Variants in VWCE observed in about 807,000 individuals in gnomAD.
VWCE encodes the protein von Willebrand factor C and EGF domain-containing protein.
In VWCE, 68 loss-of-function variants were observed where a neutral mutation model predicts 102.9. The ratio of observed to expected loss-of-function variants is 0.66; its 90% CI spans 0.54 to 0.81. VWCE has a LOEUF of 0.81. Ranked by LOEUF, VWCE falls within the 30% of genes least tolerant of loss-of-function variation. The pLI is 0.00. For missense variants in VWCE, 1,137 were observed against 1,263.6 expected, an observed-to-expected ratio of 0.90 and a Z score of 1.52; for synonymous variants, 497 against 515.4, an observed-to-expected ratio of 0.96 and a Z score of 0.48.
intron 13 of VWCE, 34 bp from the exon 14 acceptor site, chr11:61,271,794 C>A (rs1854714194): frequency 6.3e-7 from 1 of 1,597,060 alleles, no homozygotes; most frequent in Non-Finnish European, 8.6e-7. Flanking sequence ...AAAGACGGCA[C>A]AAGACCTAGA....
intron 19 of VWCE, among the ~76,000 whole-genome samples, chr11:61,260,438 ATTCTG>A (rs532092833): frequency 9.0e-4 from 137 of 151,972 alleles, no homozygotes; most frequent in African/African-American, 2.4e-3. Flanking sequence ...CACACCTGGC[ATTCTG>A]TTCTGTTCTG....
At position 61,263,963 on chromosome 11, in the gene VWCE, C is replaced by T. The variant is rs1161065290; in HGVS notation, c.2230+524G>A. ...AGTGCAGGCCGGGCGCAGTGGCTCA[C>T]GCCTGTAATCCCAGCACTTTGGGAG... On this transcript the variant is annotated intron_variant, in intron 19 of 19. Transcript: ENST00000335613. Among the ~76,000 whole-genome samples the T allele has an allele frequency of 3.9e-5, 6 of 152,024 alleles. No homozygotes were observed. In the South Asian group the frequency reaches 1.2e-3, roughly 32 times the overall value.
Position 61,294,377 on chromosome 11 carries a change from C to T in VWCE, c.110+551G>A, listed in dbSNP as rs1360631135. On this transcript the variant is annotated intron_variant, in intron 1 of 19. Coordinates refer to ENST00000335613, the MANE Select transcript of VWCE (RefSeq NM_152718.2). The surrounding 1 kb of genome is among the most constrained non-coding windows in gnomAD (Gnocchi z 6.3). ...CCCCACCGCGGCCCGGGGGAAAGCACGTGCGGAGGGCGGCATCCATCGCGA... is the reference window on the plus strand; with the variant it reads ...CCCCACCGCGGCCCGGGGGAAAGCATGTGCGGAGGGCGGCATCCATCGCGA... Among the ~76,000 whole-genome samples the T allele has an allele frequency of 6.6e-6, 1 of 152,218 alleles. No homozygotes were observed. The highest frequency in any genetic ancestry group is 1.5e-5 in the Non-Finnish European group (1 of 68,038).
At chr11:61,286,620 G>A (rs12295381) in intron 4 of VWCE, among the ~76,000 whole-genome samples, 190 bp from the exon 5 acceptor site, 12,353 of 152,064 alleles carry the variant, frequency 0.081, 1,538 homozygotes, top group African/African-American at 0.27. Context: ...TGACCAACAT[G>A]GAGAAACCCC....
rs933969108 is a variant in VWCE at position 61,294,087 on chromosome 11, G to A, written c.110+841C>T. 5.3e-5 allele frequency among the ~76,000 whole-genome samples: 8 copies of A among 152,166 alleles called. No homozygotes were observed. The highest frequency in any genetic ancestry group is 9.7e-5 in the African/African-American group (4 of 41,436). The stretch of plus-strand genomic sequence containing the variant: ...GGCTGATGGAGTCGAACTCTCAGGT[G>A]GGCAGGGACCGAGCACCCGCCAGAG... On this transcript the variant is annotated intron_variant, in intron 1 of 19. Coordinates refer to ENST00000335613, the MANE Select transcript of VWCE (RefSeq NM_152718.2). This position sits in a 1 kb window ranked among gnomAD's most constrained non-coding sequence, Gnocchi z 6.3.
chr11:61,268,912 A>G lies in VWCE; in HGVS notation c.1882+10T>C, dbSNP rs761023245. The G allele has an allele frequency of 1.2e-5, 19 of 1,613,910 alleles. No individual in the cohort carries two copies. The highest frequency in any genetic ancestry group is 1.4e-5 in the Non-Finnish European group (17 of 1,179,958). On this transcript the variant is annotated intron_variant, in intron 15 of 19. Coordinates refer to ENST00000335613, the MANE Select transcript of VWCE (RefSeq NM_152718.2). ...TGCCCTGGGGGCTTGGGGCAGAGGC[A>G]GGGGATTACCTGCTGAACAGTCTGG...
At chr11:61,282,071 G>A (rs996068809) in intron 6 of VWCE, among the ~76,000 whole-genome samples, 157 bp from the exon 7 acceptor site, 1 of 152,214 alleles carries the variant, frequency 6.6e-6, no homozygotes, top group African/African-American at 2.4e-5. Flanking sequence ...AGACAGCTGG[G>A]AGCGGGGCTG....
At chr11:61,275,288 C>T (rs187388833) in intron 11 of VWCE, among the ~76,000 whole-genome samples, 4 of 152,278 alleles carry the variant, frequency 2.6e-5, no homozygotes, top group East Asian at 3.9e-4. Flanking sequence ...AGCGAAAAAA[C>T]AGCCTTAGAA....
chr11:61,283,389 C>A (rs1192568729), intron 5 of VWCE, among the ~76,000 whole-genome samples: 2 of 152,154 alleles, frequency 1.3e-5, no homozygotes, highest in Non-Finnish European at 2.9e-5. Context: ...CTGACCTTCA[C>A]TCTGGCTTAA....
chr11:61,273,769 T>C, intron 12 of VWCE: 2 of 167,176 alleles, frequency 1.2e-5, no homozygotes, highest in South Asian at 1.6e-4. Flanking sequence ...CAGAGATGCC[T>C]AGATGGTCAC....
Position 61,269,010 on chromosome 11 carries a change from G to A in VWCE, c.1794C>T (p.Gly598=), listed in dbSNP as rs1180901819. ...AGTCTGTCCTCTTGCAGCTCACCGA[G>A]CCATCTGCCTGGAGGAAGGAGGAAC... is the stretch of plus-strand genomic sequence containing the variant. ...PCELCICQAD[G]SVSCKRTDCV... The change falls in exon 15 of 20, where the codon GGC becomes GGT. Residue 598 remains glycine (G), a synonymous_variant. Transcript: ENST00000335613. 6.2e-7 allele frequency: 1 copy of A among 1,614,074 alleles called. No individual in the cohort carries two copies. Among genetic ancestry groups the A allele is most frequent in the South Asian group, 1.1e-5 (1 of 91,084 alleles).
In VWCE at chr11:61,259,065, G is replaced by C. The variant is rs780330587; in HGVS notation, c.2478C>G (p.Leu826=). Residue 826 remains leucine, a synonymous_variant, in exon 20 of 20, where the codon CTC becomes CTG. Transcript: ENST00000335613. ...GGAAAGTGGCTGTCAGCCCCAAAGCGAGTGAGTGTGGACCATGAGCTCCTG... is the reference window on the plus strand; with the variant it reads ...GGAAAGTGGCTGTCAGCCCCAAAGCCAGTGAGTGTGGACCATGAGCTCCTG... ...SPAGAHGPHS[L]ALGLTATFPG... 3.1e-6 allele frequency: 5 copies of C among 1,613,886 alleles called. No individual in the cohort carries two copies. Among genetic ancestry groups the C allele is most frequent in the Non-Finnish European group, 3.4e-6 (4 of 1,179,902 alleles).
intron 12 of VWCE, 129 bp from the exon 13 acceptor site, chr11:61,273,445 T>C: frequency 1.2e-6 from 1 of 842,752 alleles, no homozygotes; most frequent in Non-Finnish European, 1.8e-6. Flanking sequence ...CAAAGAAATC[T>C]ACTAAAGTGA....
At position 61,259,036 on chromosome 11, in the gene VWCE, CCTG is replaced by C. The variant is rs1232254716; in HGVS notation, c.2504_2506del (p.Pro835_Gly836delinsArg). ...GAGTCGAGGGGAGGCCCCAGGCTCC[CCTG>C]GGAAAGTGGCTGTCAGCCCCAAAGC... On this transcript the variant is annotated inframe_deletion, in exon 20 of 20. Coordinates refer to ENST00000335613, the MANE Select transcript of VWCE (RefSeq NM_152718.2). The C allele has an allele frequency of 1.9e-6, 3 of 1,613,894 alleles. No individual in the cohort carries two copies. Among genetic ancestry groups the C allele is most frequent in the Non-Finnish European group, 2.5e-6 (3 of 1,179,862 alleles).
chr11:61,291,892 C>T (rs984827942), intron 1 of VWCE, among the ~76,000 whole-genome samples: 2 of 152,196 alleles, frequency 1.3e-5, no homozygotes, highest in Admixed American at 6.5e-5. Context: ...GGGGTGGCTG[C>T]CTCAGGACCT....
chr11:61,293,644 C>T (rs540156830), intron 1 of VWCE, among the ~76,000 whole-genome samples: 5 of 152,272 alleles, frequency 3.3e-5, no homozygotes, highest in African/African-American at 1.2e-4. Flanking sequence ...TGGTGTTCCA[C>T]CAATGTTCAG....
intron 16 of VWCE, among the ~76,000 whole-genome samples, chr11:61,265,490 C>CCGATAG (rs1365892303): frequency 6.6e-6 from 1 of 152,108 alleles, no homozygotes; most frequent in Admixed American, 6.5e-5. Flanking sequence ...AGATAAGCAC[C>CCGATAG]AAAACCCGAT....
chr11:61,293,404 A>G (rs1018296704), intron 1 of VWCE, among the ~76,000 whole-genome samples: 36 of 148,768 alleles, frequency 2.4e-4, no homozygotes, highest in African/African-American at 8.8e-4. Flanking sequence ...GTGACAGAAT[A>G]AGATTCTGTC....
In VWCE at chr11:61,294,562, G is replaced by A. The variant is rs530762837; in HGVS notation, c.110+366C>T. On this transcript the variant is annotated intron_variant, in intron 1 of 19. Coordinates refer to ENST00000335613, the MANE Select transcript of VWCE (RefSeq NM_152718.2). The surrounding 1 kb of genome is among the most constrained non-coding windows in gnomAD (Gnocchi z 6.3). ...CGGCAGGGGAGGCCAGGCGCTGCCCGGGCAGAGCCACGGGCACGCTGGGGG... is the reference window on the plus strand; with the variant it reads ...CGGCAGGGGAGGCCAGGCGCTGCCCAGGCAGAGCCACGGGCACGCTGGGGG... 3.3e-5 allele frequency among the ~76,000 whole-genome samples: 5 copies of A among 152,270 alleles called. No individual in the cohort carries two copies. In the East Asian group the frequency reaches 9.7e-4, roughly 30 times the overall value.
Sources: allele counts gnomAD v4.1 joint callset (sites outside exome capture counted in the v4.1 genomes callset), GRCh38; gene constraint gnomAD v4.1.1; non-coding constraint Gnocchi (gnomAD v3.1); transcripts MANE v1.5; gene names NCBI Gene and HGNC (gene_info 2026-07-23, HGNC 2026-07-21).